CACNA1C: variants seen among roughly 807,000 people sequenced by gnomAD.
The protein encoded by CACNA1C is voltage-dependent L-type calcium channel subunit alpha-1C.
CACNA1C carries 30 observed loss-of-function variants against 229.0 expected under a neutral mutation model. The ratio of observed to expected loss-of-function variants is 0.13; its 90% CI spans 0.10 to 0.18. The LOEUF (loss-of-function observed/expected upper bound fraction) is 0.18. Among genes scored for constraint, CACNA1C ranks in the 10% least tolerant of loss-of-function variants. CACNA1C has a pLI of 1.00. For synonymous variants in CACNA1C, 1,114 were observed against 1,132.5 expected, an observed-to-expected ratio of 0.98 and a Z score of 0.33; for missense variants, 1,658 against 2,845.0, an observed-to-expected ratio of 0.58 and a Z score of 9.49.
At chr12:2,659,874 GA>G (rs1357399834) in intron 34 of CACNA1C, 6 of 153,284 alleles carry the variant, frequency 3.9e-5, no homozygotes, top group South Asian at 4.1e-4. Flanking sequence ...GTGATTTTTA[GA>G]ATGATAAGAG....
At chr12:2,340,265 G>A (rs1371193468) in intron 3 of CACNA1C, among the ~76,000 whole-genome samples, 2 of 152,166 alleles carry the variant, frequency 1.3e-5, no homozygotes, top group Admixed American at 6.5e-5. Context: ...TCTAACAGAA[G>A]GATTTATAGG....
chr12:2,085,451 T>G (rs2067214848), intron 1 of CACNA1C, among the ~76,000 whole-genome samples: 1 of 152,174 alleles, frequency 6.6e-6, no homozygotes, highest in Admixed American at 6.5e-5. Context: ...CTCTGAAACC[T>G]TCTTCTCTTT....
chr12:2,452,675 A>G (rs920105454), intron 4 of CACNA1C, among the ~76,000 whole-genome samples: 11 of 152,108 alleles, frequency 7.2e-5, no homozygotes, highest in African/African-American at 2.7e-4. Context: ...TGAATTTTCT[A>G]CCCTTTCAGA....
intron 32 of CACNA1C, among the ~76,000 whole-genome samples, chr12:2,652,133 G>A (rs2095052212): frequency 6.6e-6 from 1 of 152,230 alleles, no homozygotes; most frequent in African/African-American, 2.4e-5. Flanking sequence ...GGACAACCTG[G>A]TGACCGCTAT....
rs548743697 is a variant in CACNA1C at position 2,029,144 on chromosome 12, G to A, written c.139+57943G>A. ...GAAATGACTTGCTCAGTAATCTTAA[G>A]GGGCTTTTTCCAAAAGGGCAGGGGG... On this transcript the variant is annotated intron_variant, in intron 1 of 46. Coordinates refer to the CACNA1C transcript ENST00000682462. The surrounding 1 kb of genome is among the most constrained non-coding windows in gnomAD (Gnocchi z 4.9). Among the ~76,000 whole-genome samples the A allele has an allele frequency of 1.3e-5, 2 of 152,296 alleles. No homozygotes were observed. Among genetic ancestry groups the A allele is most frequent in the Non-Finnish European group, 1.5e-5 (1 of 68,010 alleles).
intron 3 of CACNA1C, among the ~76,000 whole-genome samples, chr12:2,421,873 T>C (rs1287259872): frequency 6.6e-6 from 1 of 151,416 alleles, no homozygotes; most frequent in Non-Finnish European, 1.5e-5. Flanking sequence ...ATCATGCCAC[T>C]GCACTCCAGC....
In CACNA1C at chr12:2,691,334, C is replaced by T. The variant is rs1603473808; in HGVS notation, c.*135C>T. 2 of 970,258 alleles carry T rather than the reference C, an allele frequency of 2.1e-6. No individual in the cohort carries two copies. The highest frequency in any genetic ancestry group is 3.2e-5 in the East Asian group (1 of 31,634). 60.1% of individuals were successfully genotyped at this position (970,258 alleles called of 1,614,324 possible). ...TTCATTCATTTCTGTTGGGACCAGA[C>T]GCGGAGCCTGGGTGCGCGAGCCGCC... On this transcript the variant is annotated 3_prime_UTR_variant, in exon 47 of 47. Transcript: ENST00000399655.
chr12:2,675,861 C>A (rs1355128945), intron 39 of CACNA1C: 1 of 152,106 alleles, frequency 6.6e-6, no homozygotes, highest in Non-Finnish European at 1.5e-5. Context: ...CTAGTGGCAC[C>A]CCCACAGTAC....
intron 34 of CACNA1C, chr12:2,659,985 G>T (rs2095623519): frequency 1.5e-5 from 3 of 201,354 alleles, no homozygotes; most frequent in South Asian, 1.1e-4. Flanking sequence ...GAAACTCATT[G>T]AAGTGGACAG....
chr12:2,323,508 T>C (rs555351347), intron 3 of CACNA1C, among the ~76,000 whole-genome samples: 2 of 152,156 alleles, frequency 1.3e-5, no homozygotes, highest in African/African-American at 2.4e-5. Flanking sequence ...TAGACCCACA[T>C]AGGAGGCGGG....
At position 1,994,515 on chromosome 12, in the gene CACNA1C, C is replaced by A. The variant is rs181990012; in HGVS notation, c.139+23314C>A. 2.1e-3 allele frequency among the ~76,000 whole-genome samples: 313 copies of A among 152,218 alleles called. 2 individuals are homozygous for A. The highest frequency in any genetic ancestry group is 0.02 in the Middle Eastern group (6 of 294). On this transcript the variant is annotated intron_variant, in intron 1 of 46. Transcript: ENST00000682462. The stretch of plus-strand genomic sequence containing the variant: ...AGTGGTGGTAAGCATACAATCAATA[C>A]CAGAAATAATCATGATCATCACTTC...
intron 5 of CACNA1C, among the ~76,000 whole-genome samples, chr12:2,470,355 A>G (rs965953044): frequency 2.6e-5 from 4 of 152,214 alleles, no homozygotes; most frequent in Non-Finnish European, 5.9e-5. Flanking sequence ...AATAATGGCA[A>G]TAATAAAGGC....
intron 2 of CACNA1C, among the ~76,000 whole-genome samples, chr12:2,116,526 C>T (rs939607869): frequency 1.2e-4 from 19 of 152,258 alleles, no homozygotes; most frequent in Non-Finnish European, 2.1e-4. Context: ...CCACCACGCT[C>T]GGCTATTCTT....
chr12:2,033,561 A>G (rs1006384), intron 1 of CACNA1C, among the ~76,000 whole-genome samples: 92,287 of 151,996 alleles, frequency 0.61, 29,924 homozygotes, highest in East Asian at 0.86. Context: ...TTGTGTTCAG[A>G]GCTTTGGACA....
At position 2,410,887 on chromosome 12, in the gene CACNA1C, T is replaced by C. The variant is rs2098800180; in HGVS notation, c.478-38089T>C. On this transcript the variant is annotated intron_variant, in intron 3 of 46. Coordinates refer to ENST00000399655, the MANE Select transcript of CACNA1C (RefSeq NM_000719.7). This position sits in a 1 kb window ranked among gnomAD's most constrained non-coding sequence, Gnocchi z 5.3. ...TGGCCTTCCTATCCTTCCCTTCTCC[T>C]GGCTGCCCTATCCTTCCCTTCTCCT... Among the ~76,000 whole-genome samples, 1 of 146,854 alleles carries C rather than the reference T, an allele frequency of 6.8e-6. No homozygotes were observed. The highest frequency in any genetic ancestry group is 1.5e-5 in the Non-Finnish European group (1 of 67,874).
intron 29 of CACNA1C, among the ~76,000 whole-genome samples, chr12:2,625,730 C>T (rs993007016): frequency 2.6e-5 from 4 of 151,012 alleles, no homozygotes; most frequent in African/African-American, 9.8e-5. Flanking sequence ...GCCAAAGGGC[C>T]GTTTGAGCCC....
intron 1 of CACNA1C, chr12:1,992,864 A>T (rs903158458): frequency 2.1e-5 from 9 of 431,408 alleles, no homozygotes; most frequent in Non-Finnish European, 3.7e-5. Context: ...CACTCGGCCA[A>T]AAGTGATACA....
intron 34 of CACNA1C, chr12:2,660,150 T>G (rs1055294476): frequency 1.3e-5 from 2 of 152,420 alleles, no homozygotes; most frequent in African/African-American, 4.8e-5. Context: ...CCTGTGGTTG[T>G]GTCCACCTGC....
chr12:2,429,874 G>T (rs564228868), intron 3 of CACNA1C, among the ~76,000 whole-genome samples: 2 of 152,212 alleles, frequency 1.3e-5, no homozygotes, highest in African/African-American at 4.8e-5. Flanking sequence ...GTGGTGAGGA[G>T]TAGGAGAGGA....
Sources: allele counts gnomAD v4.1 joint callset (sites outside exome capture counted in the v4.1 genomes callset), GRCh38; gene constraint gnomAD v4.1.1; non-coding constraint Gnocchi (gnomAD v3.1); transcripts MANE v1.5; gene names NCBI Gene and HGNC (gene_info 2026-07-23, HGNC 2026-07-21).